Variants in NBEAL1 observed in about 807,000 individuals in gnomAD.
NBEAL1 encodes the protein neurobeachin like 1, also known as neurobeachin-like protein 1.
A neutral mutation model predicts 351.3 loss-of-function variants in NBEAL1; 273 were observed. The ratio of observed to expected loss-of-function variants is 0.78; its 90% confidence interval spans 0.70 to 0.86. The LOEUF is 0.86. NBEAL1 is among the 40% of genes least tolerant of loss of function. The pLI is 0.00. For synonymous variants in NBEAL1, 1,050 were observed against 1,086.4 expected, an observed-to-expected ratio of 0.97 and a Z score of 0.66; for missense variants, 2,961 against 3,201.3, an observed-to-expected ratio of 0.92 and a Z score of 1.81.
intron 44 of NBEAL1, among the ~76,000 whole-genome samples, chr2:203,188,045 C>T (rs2064962017): frequency 1.3e-5 from 2 of 152,116 alleles, no homozygotes; most frequent in South Asian, 4.1e-4. Flanking sequence ...GAATGATTTG[C>T]AGCCATTTTT....
chr2:203,206,979 C>T (rs1474703121), intron 51 of NBEAL1, among the ~76,000 whole-genome samples: 1 of 151,626 alleles, frequency 6.6e-6, no homozygotes, highest in African/African-American at 2.4e-5. Context: ...GTGAGGAGCG[C>T]CTCTTCCCGG....
chr2:203,024,211 A>AT (rs1276214745), intron 2 of NBEAL1, among the ~76,000 whole-genome samples: 5 of 151,782 alleles, frequency 3.3e-5, no homozygotes, highest in African/African-American at 4.8e-5. Context: ...AAAAAAAAAA[A>AT]AGAAAAAAAG....
chr2:203,224,352 A>G lies in NBEAL1; in HGVS notation c.*6998A>G, dbSNP rs1302334694. ...TAACAGGTATGGCTTTCATTCCTCC[A>G]GTTGTTTGCTTTTATAGACTTGGAG... On this transcript the variant is annotated 3_prime_UTR_variant, in exon 56 of 56. Coordinates refer to ENST00000683969, the MANE Select transcript of NBEAL1 (RefSeq NM_001378026.1). Among the ~76,000 whole-genome samples, 1 of 152,112 alleles carries G rather than the reference A, an allele frequency of 6.6e-6. No homozygotes were observed. The highest frequency in any genetic ancestry group is 1.9e-4 in the East Asian group (1 of 5,196).
In NBEAL1 at chr2:203,127,805, A is replaced by G. The variant is rs770798071; in HGVS notation, c.3273A>G (p.Leu1091=). 20 of 1,515,488 alleles carry G rather than the reference A, an allele frequency of 1.3e-5. No individual in the cohort carries two copies. Among genetic ancestry groups the G allele is most frequent in the African/African-American group, 9.7e-5 (7 of 72,418 alleles). 93.9% of individuals were successfully genotyped at this position (1,515,488 alleles called of 1,614,324 possible). The stretch of plus-strand genomic sequence containing the variant: ...GGAATGGTTGTAAATATAATGAACT[A>G]TCTCTAGATGATATTCGAACAATAA... The part of the protein sequence containing the change: ...YYGNGCKYNE[L]SLDDIRTIRT... Residue 1091 remains leucine, a synonymous_variant, in exon 24 of 56, where the codon CTA becomes CTG. Coordinates refer to ENST00000683969, the MANE Select transcript of NBEAL1 (RefSeq NM_001378026.1).
At chr2:203,197,817 G>A (rs1192424801) in intron 48 of NBEAL1, among the ~76,000 whole-genome samples, 1 of 152,022 alleles carries the variant, frequency 6.6e-6, no homozygotes, top group Non-Finnish European at 1.5e-5. Flanking sequence ...GCTGAGGCAG[G>A]AGAATCACTT....
intron 2 of NBEAL1, among the ~76,000 whole-genome samples, chr2:203,018,923 T>C (rs2060724030): frequency 6.6e-6 from 1 of 152,226 alleles, no homozygotes; most frequent in Non-Finnish European, 1.5e-5. Flanking sequence ...ACTTTCCTCC[T>C]AGTTTCTTAA....
intron 8 of NBEAL1, among the ~76,000 whole-genome samples, chr2:203,082,499 G>A (rs2061890764): frequency 6.6e-6 from 1 of 152,120 alleles, no homozygotes; most frequent in Non-Finnish European, 1.5e-5. Flanking sequence ...TGACAATTTA[G>A]GGCAATACAT....
At position 203,037,202 on chromosome 2, in the gene NBEAL1, T is replaced by A. The variant is rs183209301; in HGVS notation, c.52-4563T>A. Reference sequence around the variant, plus strand: ...GTCCCTGCATATTCTGGGAACATTCTTTTAGATTTTGATTTGTAGTGTAAT... The same window carrying A: ...GTCCCTGCATATTCTGGGAACATTCATTTAGATTTTGATTTGTAGTGTAAT... On this transcript the variant is annotated intron_variant, in intron 2 of 55. Coordinates refer to ENST00000683969, the MANE Select transcript of NBEAL1 (RefSeq NM_001378026.1). 1.1e-3 allele frequency among the ~76,000 whole-genome samples: 159 copies of A among 149,438 alleles called. 19 individuals are homozygous for A. Among genetic ancestry groups the A allele is most frequent in the Admixed American group, 2.3e-3 (34 of 14,878 alleles).
chr2:203,016,495 G>C (rs2060682834), intron 2 of NBEAL1, 60 bp downstream of exon 2: 1 of 1,092,224 alleles, frequency 9.2e-7, no homozygotes, highest in Non-Finnish European at 1.3e-6. Flanking sequence ...ATTTGTGACT[G>C]GCAGTAGTAA....
intron 18 of NBEAL1, among the ~76,000 whole-genome samples, chr2:203,117,829 T>C (rs1181294504): frequency 6.6e-6 from 1 of 151,598 alleles, no homozygotes; most frequent in African/African-American, 2.4e-5. Context: ...ACTACAGGCA[T>C]GTGCCACCAT....
chr2:203,194,007 A>G (rs1575113367), intron 47 of NBEAL1, 96 bp downstream of exon 47: 1 of 626,572 alleles, frequency 1.6e-6, no homozygotes, highest in Non-Finnish European at 2.7e-6. Flanking sequence ...GGATTATAAT[A>G]TTTAATTCAA....
intron 31 of NBEAL1, among the ~76,000 whole-genome samples, chr2:203,144,154 T>C (rs1028010848): frequency 7.3e-6 from 1 of 137,630 alleles, no homozygotes; most frequent in Non-Finnish European, 1.5e-5. Flanking sequence ...GAGGTTGCCG[T>C]GAGCCGAGAT....
intron 27 of NBEAL1, 63 bp from the exon 28 acceptor site, chr2:203,135,614 T>A: frequency 1.0e-6 from 1 of 976,270 alleles, no homozygotes; most frequent in Non-Finnish European, 1.5e-6. Flanking sequence ...ACTGAAAATA[T>A]TATTTTTGAT....
intron 2 of NBEAL1, among the ~76,000 whole-genome samples, chr2:203,019,859 A>G (rs1415342849): frequency 2.0e-5 from 3 of 152,168 alleles, no homozygotes; most frequent in African/African-American, 7.2e-5. Context: ...GTAAGCTTAA[A>G]TACTAGTGAC....
intron 12 of NBEAL1, among the ~76,000 whole-genome samples, chr2:203,100,958 C>A (rs1184467424): frequency 1.3e-5 from 2 of 152,104 alleles, no homozygotes; most frequent in Admixed American, 6.5e-5. Flanking sequence ...GGATATTAGA[C>A]CTTTGTTGGA....
intron 33 of NBEAL1, among the ~76,000 whole-genome samples, chr2:203,146,704 G>A (rs1410529719): frequency 3.9e-5 from 6 of 151,980 alleles, no homozygotes; most frequent in Non-Finnish European, 8.8e-5. Flanking sequence ...GATGTGGGAG[G>A]AACACTCGAG....
chr2:203,203,493 A>C (rs1311300690), intron 51 of NBEAL1, among the ~76,000 whole-genome samples: 1 of 151,916 alleles, frequency 6.6e-6, no homozygotes, highest in Non-Finnish European at 1.5e-5. Context: ...TGTTTTCTGC[A>C]TTGTCTTAAC....
At chr2:203,114,436 A>G (rs1373330983) in intron 17 of NBEAL1, among the ~76,000 whole-genome samples, 1 of 152,234 alleles carries the variant, frequency 6.6e-6, no homozygotes, top group African/African-American at 2.4e-5. Context: ...TGAAGAATTC[A>G]TGAAGGCAGT....
intron 42 of NBEAL1, among the ~76,000 whole-genome samples, chr2:203,179,966 G>A (rs1314972727): frequency 6.6e-6 from 1 of 152,108 alleles, no homozygotes; most frequent in South Asian, 2.1e-4. Context: ...TAGCAACGAG[G>A]TTTCACCATG....
Sources: gnomAD v4.1 joint callset for allele counts (sites outside exome capture counted in the v4.1 genomes callset) on GRCh38, gnomAD v4.1.1 for gene constraint, MANE v1.5 for transcripts, NCBI Gene and HGNC (gene_info 2026-07-23, HGNC 2026-07-21) for gene names.